Variants in CERS6 observed in about 807,000 individuals in gnomAD.
CERS6 encodes ceramide synthase 6, also known as LAG1 homolog, ceramide synthase 6.
In CERS6, 26 loss-of-function variants were observed where a neutral mutation model predicts 56.8. That is an observed-to-expected ratio of 0.46 (90% CI 0.34 to 0.63). The LOEUF is 0.63. Among genes scored for constraint, CERS6 ranks in the 30% least tolerant of loss-of-function variants. The probability of loss-of-function intolerance (pLI) is 0.01; values close to 1 mark genes in which losing one functional copy is unlikely to be tolerated. For missense variants in CERS6, 415 were observed against 467.5 expected (o/e 0.89, Z 1.04); for synonymous variants, 164 against 173.3 (o/e 0.95, Z 0.42).
chr2:168,529,314 T>C (rs112962733), intron 1 of CERS6, among the ~76,000 whole-genome samples: 6 of 152,330 alleles, frequency 3.9e-5, no homozygotes, highest in African/African-American at 1.4e-4. Flanking sequence ...TTTAGCATAC[T>C]AAGAGACCAT....
chr2:168,573,769 G>A (rs565376738), intron 3 of CERS6, among the ~76,000 whole-genome samples: 1 of 152,258 alleles, frequency 6.6e-6, no homozygotes, highest in Non-Finnish European at 1.5e-5. Context: ...TGGAGCAGGA[G>A]TAGGTGAGGG....
intron 1 of CERS6, among the ~76,000 whole-genome samples, chr2:168,496,539 C>T (rs7605045): frequency 0.055 from 8,421 of 152,164 alleles, 341 homozygotes; most frequent in East Asian, 0.18. Flanking sequence ...CTGGGACACC[C>T]GCACACAGAG....
chr2:168,511,201 G>C (rs200762413), intron 1 of CERS6, among the ~76,000 whole-genome samples: 1 of 151,998 alleles, frequency 6.6e-6, no homozygotes, highest in East Asian at 1.9e-4. Context: ...CCTCCATCCT[G>C]TACCTTCTCC....
intron 4 of CERS6, among the ~76,000 whole-genome samples, chr2:168,676,801 T>A (rs772642982): frequency 2.6e-5 from 4 of 152,178 alleles, no homozygotes; most frequent in Non-Finnish European, 5.9e-5. Flanking sequence ...CATCTGGATG[T>A]TTACTCGAGG....
chr2:168,713,995 A>G (rs1290374179), intron 6 of CERS6, among the ~76,000 whole-genome samples: 1 of 152,206 alleles, frequency 6.6e-6, no homozygotes, highest in East Asian at 1.9e-4. Context: ...CCTGTAAACA[A>G]CAGAAATTGA....
At chr2:168,467,869 G>T (rs1468740131) in intron 1 of CERS6, among the ~76,000 whole-genome samples, 1 of 152,208 alleles carries the variant, frequency 6.6e-6, no homozygotes, top group Admixed American at 6.5e-5. Context: ...GGGTATATGT[G>T]TGGGGGGGCC....
At chr2:168,727,840 G>A (rs951543635) in intron 8 of CERS6, among the ~76,000 whole-genome samples, 2 of 152,220 alleles carry the variant, frequency 1.3e-5, no homozygotes, top group African/African-American at 4.8e-5. Flanking sequence ...ATATTAGAAA[G>A]ATTTGAAGGA....
intron 1 of CERS6, among the ~76,000 whole-genome samples, chr2:168,546,562 T>C (rs1386267401): frequency 1.3e-5 from 2 of 152,206 alleles, no homozygotes; most frequent in African/African-American, 2.4e-5. Flanking sequence ...AACAAAAACC[T>C]TTGTCTACTG....
At chr2:168,731,298 T>G (rs1174761831) in intron 8 of CERS6, among the ~76,000 whole-genome samples, 1 of 152,134 alleles carries the variant, frequency 6.6e-6, no homozygotes, top group Non-Finnish European at 1.5e-5. Context: ...CAGTCATAAC[T>G]GATGTTAATC....
At chr2:168,701,823 T>C (rs913522056) in intron 6 of CERS6, among the ~76,000 whole-genome samples, 6 of 152,072 alleles carry the variant, frequency 3.9e-5, no homozygotes, top group African/African-American at 9.7e-5. Context: ...CTGGGCAACA[T>C]AGCAAGACCC....
chr2:168,551,915 G>A (rs896160067), intron 2 of CERS6, among the ~76,000 whole-genome samples: 1 of 151,958 alleles, frequency 6.6e-6, no homozygotes, highest in Admixed American at 6.6e-5. Context: ...TAACTTTTGG[G>A]GATTCTCCTA....
At chr2:168,708,177 G>A (rs1034483103) in intron 6 of CERS6, among the ~76,000 whole-genome samples, 4 of 151,952 alleles carry the variant, frequency 2.6e-5, no homozygotes, top group African/African-American at 9.7e-5. Context: ...ATTATTCTTG[G>A]TGTATGTAAA....
chr2:168,562,334 G>A (rs772789712), intron 3 of CERS6, among the ~76,000 whole-genome samples: 7 of 152,178 alleles, frequency 4.6e-5, no homozygotes, highest in Non-Finnish European at 8.8e-5. Flanking sequence ...AAGACACAAA[G>A]TATAGAGAAA....
At chr2:168,703,752 T>C (rs182571405) in intron 6 of CERS6, among the ~76,000 whole-genome samples, 11 of 152,274 alleles carry the variant, frequency 7.2e-5, no homozygotes, top group Admixed American at 7.2e-4. Context: ...GAGGGCCGCT[T>C]CACCTCTCTT....
In CERS6 at chr2:168,746,582, C is replaced by T. The variant is rs188272025; in HGVS notation, c.846-19010C>T. On this transcript the variant is annotated intron_variant, in intron 8 of 9. Transcript: ENST00000305747. ...TTTCTGTGGTACTATCTGAGTGACA[C>T]ACTAAGGATACTTACACATAGGAAT... Among the ~76,000 whole-genome samples the T allele has an allele frequency of 1.2e-3, 178 of 151,540 alleles. 1 individual carries two copies. The highest frequency in any genetic ancestry group is 4.1e-3 in the African/African-American group (170 of 41,298).
intron 8 of CERS6, among the ~76,000 whole-genome samples, chr2:168,758,140 T>C (rs1180384870): frequency 2.0e-5 from 3 of 152,222 alleles, no homozygotes; most frequent in Non-Finnish European, 1.5e-5. Flanking sequence ...AGATTAGTCA[T>C]CTTAGGTAGA....
intron 1 of CERS6, among the ~76,000 whole-genome samples, chr2:168,496,797 C>G (rs1030574231): frequency 6.6e-6 from 1 of 152,116 alleles, no homozygotes; most frequent in South Asian, 2.1e-4. Flanking sequence ...TAGGAATTTT[C>G]TAGATTAGTT....
chr2:168,651,370 C>G (rs1467267358), intron 4 of CERS6, among the ~76,000 whole-genome samples: 2 of 152,062 alleles, frequency 1.3e-5, no homozygotes, highest in Non-Finnish European at 2.9e-5. Context: ...TCCTCTGTAG[C>G]CTTTGGGACA....
At chr2:168,749,279 C>G (rs142143374) in intron 8 of CERS6, among the ~76,000 whole-genome samples, 2 of 152,192 alleles carry the variant, frequency 1.3e-5, no homozygotes, top group Admixed American at 1.3e-4. Flanking sequence ...TCTTCGCTAT[C>G]TGAATCCCCA....
Sources: gnomAD v4.1 joint callset for allele counts (sites outside exome capture counted in the v4.1 genomes callset) on GRCh38, gnomAD v4.1.1 for gene constraint, MANE v1.5 for transcripts, NCBI Gene and HGNC (gene_info 2026-07-23, HGNC 2026-07-21) for gene names.